Variants in FGF14 observed in about 807,000 individuals in gnomAD.
The protein encoded by FGF14 is fibroblast growth factor homologous factor 4.
In FGF14, 5 loss-of-function variants were observed where a neutral mutation model predicts 25.5. The ratio of observed to expected loss-of-function variants is 0.20; its 90% CI spans 0.10 to 0.41. The LOEUF (loss-of-function observed/expected upper bound fraction) is 0.41. Among genes scored for constraint, FGF14 ranks in the 10% least tolerant of loss-of-function variants. The pLI, the probability that FGF14 is intolerant of heterozygous loss-of-function variation, is 1.00. For missense variants in FGF14, 222 were observed against 320.1 expected, an observed-to-expected ratio of 0.69 and a Z score of 2.34; for synonymous variants, 138 against 118.3, an observed-to-expected ratio of 1.17 and a Z score of -1.08.
At chr13:101,803,942 G>T (rs2041050865) in intron 3 of FGF14, among the ~76,000 whole-genome samples, 1 of 151,976 alleles carries the variant, frequency 6.6e-6, no homozygotes, top group Admixed American at 6.6e-5. Context: ...ATATATAGAA[G>T]CTATTTGCAT....
At chr13:102,050,926 C>T (rs2042190470) in intron 1 of FGF14, among the ~76,000 whole-genome samples, 1 of 152,176 alleles carries the variant, frequency 6.6e-6, no homozygotes. Context: ...GCATATCTTG[C>T]CACTGAGGTA....
chr13:102,161,570 A>AAAGAAGAAAGAAGAAGAAGAAAGAAG (rs1555369389), intron 1 of FGF14, among the ~76,000 whole-genome samples: 3 of 5,652 alleles, frequency 5.3e-4, no homozygotes, highest in Non-Finnish European at 2.4e-4. Context: ...TTCTGTGAAG[A>AAAGAAGAAAGAAGAAGAAGAAAGAAG]AAGAAAGAAG....
chr13:102,156,278 C>T (rs1416021389), intron 1 of FGF14, among the ~76,000 whole-genome samples: 4 of 152,062 alleles, frequency 2.6e-5, no homozygotes, highest in Admixed American at 6.6e-5. Flanking sequence ...ACTGGCAAAC[C>T]GAATCCAGCA....
At chr13:102,290,293 G>A (rs1215495141) in intron 1 of FGF14, among the ~76,000 whole-genome samples, 2 of 152,072 alleles carry the variant, frequency 1.3e-5, no homozygotes, top group Non-Finnish European at 2.9e-5. Context: ...CAAGGAAAAG[G>A]CACTGTCTAA....
intron 1 of FGF14, among the ~76,000 whole-genome samples, chr13:102,127,923 G>GGGCTCAC (rs960553773): frequency 1.3e-5 from 2 of 152,206 alleles, no homozygotes; most frequent in African/African-American, 4.8e-5. Flanking sequence ...CAAGTGAGCA[G>GGGCTCAC]GGCTCACCTA....
chr13:101,734,660 A>ATTG (rs1429839786), intron 3 of FGF14, among the ~76,000 whole-genome samples: 2 of 152,124 alleles, frequency 1.3e-5, no homozygotes, highest in African/African-American at 4.8e-5. Flanking sequence ...AATAACTATA[A>ATTG]TTAACACCTT....
intron 2 of FGF14, among the ~76,000 whole-genome samples, chr13:101,869,545 T>C (rs753324299): frequency 3.3e-5 from 5 of 152,322 alleles, no homozygotes; most frequent in Admixed American, 1.3e-4. Flanking sequence ...ATGGCAGTGC[T>C]GCATGTTGAA....
At chr13:102,242,416 G>C (rs2051647109) in intron 1 of FGF14, among the ~76,000 whole-genome samples, 1 of 152,050 alleles carries the variant, frequency 6.6e-6, no homozygotes, top group African/African-American at 2.4e-5. Flanking sequence ...GGCTCTGGAG[G>C]CTGGCAAGTC....
chr13:101,964,790 T>C (rs1253000993), intron 1 of FGF14, among the ~76,000 whole-genome samples: 1 of 152,204 alleles, frequency 6.6e-6, no homozygotes, highest in African/African-American at 2.4e-5. Flanking sequence ...GCAAGCTTCA[T>C]AAGCCAATGT....
chr13:101,953,839 C>T (rs1259883864), intron 1 of FGF14, among the ~76,000 whole-genome samples: 2 of 152,024 alleles, frequency 1.3e-5, no homozygotes, highest in Non-Finnish European at 2.9e-5. Context: ...ATCCACCCAC[C>T]TCGGCCTCTC....
chr13:102,004,390 T>C (rs1162472538), intron 1 of FGF14, among the ~76,000 whole-genome samples: 1 of 152,210 alleles, frequency 6.6e-6, no homozygotes, highest in African/African-American at 2.4e-5. Context: ...CACCATACCA[T>C]AGACCAAGGG....
intron 1 of FGF14, among the ~76,000 whole-genome samples, chr13:102,040,850 T>C (rs2139995346): frequency 6.6e-6 from 1 of 152,308 alleles, no homozygotes. Context: ...ATTTATGCTC[T>C]GACTCATTTT....
intron 1 of FGF14, among the ~76,000 whole-genome samples, chr13:101,955,400 G>A (rs918190316): frequency 9.8e-5 from 15 of 152,336 alleles, no homozygotes; most frequent in South Asian, 2.1e-4. Flanking sequence ...TGTCAGCCAT[G>A]GAAAAGCTGG....
intron 4 of FGF14, among the ~76,000 whole-genome samples, chr13:101,724,025 C>T (rs936797021): frequency 2.0e-5 from 3 of 152,048 alleles, no homozygotes; most frequent in Admixed American, 6.6e-5. Flanking sequence ...GAGTTTTCAT[C>T]AGCACACATA....
At chr13:102,031,667 C>CAA (rs778110304) in intron 1 of FGF14, among the ~76,000 whole-genome samples, 321 of 138,248 alleles carry the variant, frequency 2.3e-3, no homozygotes, top group African/African-American at 4.9e-3. Context: ...CATAAAACAG[C>CAA]AAAAAAAAAA....
intron 3 of FGF14, among the ~76,000 whole-genome samples, chr13:101,820,966 T>C (rs561070038): frequency 6.6e-6 from 1 of 151,852 alleles, no homozygotes; most frequent in East Asian, 1.9e-4. Context: ...TTTTTTTTTT[T>C]TGAGACAGAG....
chr13:101,963,656 C>T (rs559965754), intron 1 of FGF14, among the ~76,000 whole-genome samples: 2 of 152,224 alleles, frequency 1.3e-5, no homozygotes, highest in East Asian at 1.9e-4. Flanking sequence ...ATTCTGTCAC[C>T]CTTCTGTATG....
chr13:102,178,555 C>T (rs1293184581), intron 1 of FGF14, among the ~76,000 whole-genome samples: 1 of 152,056 alleles, frequency 6.6e-6, no homozygotes, highest in Non-Finnish European at 1.5e-5. Context: ...TCCCACCCTT[C>T]CAAGTTTCTA....
At chr13:101,941,621 G>A (rs2035456592) in intron 1 of FGF14, among the ~76,000 whole-genome samples, 1 of 152,190 alleles carries the variant, frequency 6.6e-6, no homozygotes, top group Admixed American at 6.5e-5. Flanking sequence ...AAAGCACACA[G>A]AAATCTTGCA....
Sources: allele counts gnomAD v4.1 joint callset (sites outside exome capture counted in the v4.1 genomes callset), GRCh38; gene constraint gnomAD v4.1.1; transcripts MANE v1.5; gene names NCBI Gene and HGNC (gene_info 2026-07-23, HGNC 2026-07-21).